The following RAG1 variants were observed in gnomAD, a reference collection of about 807,000 sequenced individuals.
RAG1 encodes V(D)J recombination-activating protein 1.
Under a neutral mutation model 62.7 loss-of-function variants are expected in RAG1, and 35 were observed. The ratio of observed to expected loss-of-function variants is 0.56; its 90% confidence interval spans 0.43 to 0.74. RAG1 has a LOEUF of 0.74. Ranked by LOEUF, RAG1 falls within the 30% of genes least tolerant of loss-of-function variation. The probability of loss-of-function intolerance (pLI) is 0.00; values close to 1 mark genes in which losing one functional copy is unlikely to be tolerated. For synonymous variants in RAG1, 461 were observed against 470.3 expected (o/e 0.98, Z 0.26); for missense variants, 1,169 against 1,278.6 (o/e 0.91, Z 1.31).
At chr11:36,544,172 G>C (rs910488768) in intron 3 of RAG1, among the ~76,000 whole-genome samples, 2 of 152,098 alleles carry the variant, frequency 1.3e-5, no homozygotes, top group African/African-American at 4.8e-5. Flanking sequence ...CTATAAACGT[G>C]GCAGAGATGG....
In RAG1 at chr11:36,550,464, C is replaced by T. The variant is rs569260256; in HGVS notation, c.-411-12921C>T. Among the ~76,000 whole-genome samples, 6 of 152,190 alleles carry T rather than the reference C, an allele frequency of 3.9e-5. No homozygotes were observed. The South Asian group carries it at 8.3e-4, about 21-fold the overall frequency. ...AACTTTTCCTTATGAGGTGACCCCA[C>T]ATTTTTAGAAAGGCATAGCTTCTAA... On this transcript the variant is annotated intron_variant and NMD_transcript_variant, in intron 3 of 9. Transcript: ENST00000534663.
intron 1 of RAG1, among the ~76,000 whole-genome samples, chr11:36,572,497 C>T (rs917568067): frequency 1.3e-5 from 2 of 152,178 alleles, no homozygotes; most frequent in African/African-American, 4.8e-5. Flanking sequence ...TTCAGGATGA[C>T]CTGTGTGAGT....
At chr11:36,525,609 G>A (rs1270708716) in intron 2 of RAG1, among the ~76,000 whole-genome samples, 1 of 151,924 alleles carries the variant, frequency 6.6e-6, no homozygotes, top group Non-Finnish European at 1.5e-5. Context: ...TCCTTTACAT[G>A]TTTCGTACGT....
chr11:36,547,860 G>A (rs987846959), intron 3 of RAG1, among the ~76,000 whole-genome samples: 6 of 152,080 alleles, frequency 3.9e-5, no homozygotes, highest in African/African-American at 1.4e-4. Context: ...GATGAACATC[G>A]ATGTGAAAAT....
intron 1 of RAG1, among the ~76,000 whole-genome samples, chr11:36,513,635 TG>T: frequency 6.6e-6 from 1 of 152,300 alleles, no homozygotes; most frequent in African/African-American, 2.4e-5. Context: ...TACCTGAGAC[TG>T]GGTAGTTTAT....
chr11:36,548,036 A>C (rs1233624537), intron 3 of RAG1, among the ~76,000 whole-genome samples: 10 of 152,100 alleles, frequency 6.6e-5, no homozygotes, highest in Non-Finnish European at 2.9e-5. Context: ...ACATGATTAT[A>C]TCAATAGATG....
intron 1 of RAG1, among the ~76,000 whole-genome samples, chr11:36,516,593 A>C (rs1176396650): frequency 2.0e-5 from 3 of 152,248 alleles, no homozygotes; most frequent in Non-Finnish European, 4.4e-5. Context: ...AAGTGCTGGG[A>C]TTACTGGCGT....
At chr11:36,515,241 T>C (rs1859980420) in intron 1 of RAG1, among the ~76,000 whole-genome samples, 1 of 151,780 alleles carries the variant, frequency 6.6e-6, no homozygotes, top group Non-Finnish European at 1.5e-5. Context: ...TAACCTTTTA[T>C]GAAAGTATAG....
intron 2 of RAG1, among the ~76,000 whole-genome samples, chr11:36,527,220 T>G (rs1278132494): frequency 6.6e-6 from 1 of 152,210 alleles, no homozygotes; most frequent in Non-Finnish European, 1.5e-5. Context: ...GTTTTAGGCC[T>G]TATATTTAAG....
intron 3 of RAG1, among the ~76,000 whole-genome samples, chr11:36,549,604 G>A (rs957577506): frequency 3.3e-5 from 5 of 152,160 alleles, no homozygotes; most frequent in African/African-American, 1.2e-4. Flanking sequence ...TCATTAAAAC[G>A]TCAGGAAACA....
chr11:36,574,466 C>T lies in RAG1; in HGVS notation c.1162C>T (p.His388Tyr), dbSNP rs774408446. ...CAAGGAATCAAAAGAGATTTTTGTG[C>T]ACATTAATAAAGGGGGCCGGCCCCG... ...SHKESKEIFV[H>Y]INKGGRPRQH... The change falls in exon 2 of 2, where the codon CAC becomes TAC. Residue 388 changes from histidine to tyrosine, a missense_variant. Physicochemically the swap from His to Tyr is moderately conservative, Grantham distance 83. Coordinates refer to ENST00000299440, the MANE Select transcript of RAG1 (RefSeq NM_000448.3). 4 of 1,614,172 alleles carry T rather than the reference C, an allele frequency of 2.5e-6. No homozygotes were observed. Among genetic ancestry groups the T allele is most frequent in the Non-Finnish European group, 3.4e-6 (4 of 1,180,044 alleles).
intron 3 of RAG1, among the ~76,000 whole-genome samples, chr11:36,550,442 T>A (rs1448726876): frequency 6.6e-6 from 1 of 152,006 alleles, no homozygotes; most frequent in Admixed American, 6.6e-5. Flanking sequence ...TGACCTGAAC[T>A]TTTCCTTATG....
At position 36,576,065 on chromosome 11, in the gene RAG1, G is replaced by A. The variant is rs746032063; in HGVS notation, c.2761G>A (p.Glu921Lys). 6.2e-7 allele frequency: 1 copy of A among 1,614,056 alleles called. No homozygotes were observed. The highest frequency in any genetic ancestry group is 8.5e-7 in the Non-Finnish European group (1 of 1,180,038). Residue 921 changes from glutamate (E) to lysine (K), a missense_variant, in exon 2 of 2, where the codon GAG becomes AAG. Transcript: ENST00000299440. ...CAGTTTCAATTCACAGCGTTTTGCT[G>A]AGCTCCTTTCTACGAAGTTCAAGTA... is the stretch of plus-strand genomic sequence containing the variant. ...QYSFNSQRFAELLSTKFKYRY... is the reference protein window; with the variant it reads ...QYSFNSQRFAKLLSTKFKYRY...
intron 3 of RAG1, among the ~76,000 whole-genome samples, chr11:36,550,104 G>A (rs541238842): frequency 6.6e-6 from 1 of 152,198 alleles, no homozygotes; most frequent in South Asian, 2.1e-4. Context: ...TCACATAATG[G>A]AGCCTGCTGG....
At chr11:36,515,513 T>A (rs941401836) in intron 1 of RAG1, 1 of 152,256 alleles carries the variant, frequency 6.6e-6, no homozygotes, top group Non-Finnish European at 1.5e-5. Flanking sequence ...AATACAGGAT[T>A]CTGGCCTTAA....
At chr11:36,565,369 G>C (rs1460839239), upstream of RAG1, among the ~76,000 whole-genome samples, 1 of 152,160 alleles carries the variant, frequency 6.6e-6, no homozygotes, top group Non-Finnish European at 1.5e-5. Context: ...AACCTGCTCA[G>C]GGGGGTTGGG....
intron 1 of RAG1, among the ~76,000 whole-genome samples, 196 bp from the exon 2 acceptor site, chr11:36,573,095 G>A (rs1451491049): frequency 6.6e-6 from 1 of 152,130 alleles, no homozygotes; most frequent in African/African-American, 2.4e-5. Context: ...ACAGGTATAA[G>A]TAACCATAAA....
intron 3 of RAG1, among the ~76,000 whole-genome samples, chr11:36,541,905 C>G (rs930990784): frequency 2.6e-5 from 4 of 152,138 alleles, no homozygotes; most frequent in African/African-American, 9.7e-5. Context: ...CCTACCGCCC[C>G]TACCCAACTA....
At chr11:36,560,684 A>G (rs542553096) in intron 3 of RAG1, among the ~76,000 whole-genome samples, 10 of 152,226 alleles carry the variant, frequency 6.6e-5, no homozygotes, top group African/African-American at 2.4e-4. Context: ...AGGGACTGTG[A>G]GGACCGTGGG....
Sources: gnomAD v4.1 joint callset for allele counts (sites outside exome capture counted in the v4.1 genomes callset) on GRCh38, gnomAD v4.1.1 for gene constraint, MANE v1.5 for transcripts, NCBI Gene and HGNC (gene_info 2026-07-23, HGNC 2026-07-21) for gene names.